The following SIMC1 variants were observed in gnomAD, a reference collection of about 807,000 sequenced individuals.
The protein encoded by SIMC1 is SUMO-interacting motif-containing protein 1.
In SIMC1, 55 loss-of-function variants were observed where a neutral mutation model predicts 82.3. The observed-to-expected ratio is 0.67, with a 90% CI of 0.54 to 0.84. SIMC1 has a LOEUF of 0.84. Ranked by LOEUF, SIMC1 falls within the 40% of genes least tolerant of loss-of-function variation. The pLI is 0.00. For missense variants in SIMC1, 915 were observed against 1,107.2 expected (o/e 0.83, Z 2.46); for synonymous variants, 353 against 426.3 (o/e 0.83, Z 2.12).
intron 9 of SIMC1, among the ~76,000 whole-genome samples, chr5:176,342,252 C>G (rs1234031242): frequency 6.6e-6 from 1 of 152,160 alleles, no homozygotes; most frequent in South Asian, 2.1e-4. Context: ...AATAAAACAG[C>G]TCATATTTCC....
chr5:176,274,373 T>G (rs1444234042), intron 1 of SIMC1, among the ~76,000 whole-genome samples: 5 of 151,426 alleles, frequency 3.3e-5, no homozygotes, highest in Non-Finnish European at 7.4e-5. Flanking sequence ...TCTTGTAAAT[T>G]TGCTTGAGTT....
At chr5:176,251,168 TG>T (rs1581216778) in intron 1 of SIMC1, among the ~76,000 whole-genome samples, 1 of 152,138 alleles carries the variant, frequency 6.6e-6, no homozygotes, top group East Asian at 1.9e-4. Flanking sequence ...GAGACCATCC[TG>T]GGCAACATGG....
At chr5:176,308,153 A>G (rs754312478) in intron 4 of SIMC1, 4 of 1,086,718 alleles carry the variant, frequency 3.7e-6, no homozygotes, top group Admixed American at 1.9e-5. Context: ...GAGCACAGAG[A>G]AGGAGGAAGT....
chr5:176,253,266 G>T (rs1395649548), intron 1 of SIMC1, among the ~76,000 whole-genome samples: 1 of 152,130 alleles, frequency 6.6e-6, no homozygotes, highest in East Asian at 1.9e-4. Context: ...TCCCTTTGTG[G>T]GTAACCCGAC....
intron 1 of SIMC1, among the ~76,000 whole-genome samples, chr5:176,256,621 C>T: frequency 6.6e-6 from 1 of 152,188 alleles, no homozygotes; most frequent in Non-Finnish European, 1.5e-5. Flanking sequence ...ACATGAAATG[C>T]ACACATTAAT....
chr5:176,315,815 T>G (rs1764877583), intron 5 of SIMC1, among the ~76,000 whole-genome samples: 2 of 152,090 alleles, frequency 1.3e-5, no homozygotes, highest in Admixed American at 1.3e-4. Context: ...TGTTAATAAT[T>G]TTAGGGGTAC....
intron 2 of SIMC1, among the ~76,000 whole-genome samples, chr5:176,292,604 G>C (rs559662172): frequency 2.0e-5 from 3 of 151,904 alleles, no homozygotes; most frequent in Non-Finnish European, 4.4e-5. Context: ...ACAGTGGTAC[G>C]ATCTCAGCTC....
chr5:176,256,226 T>C (rs1761847765), intron 1 of SIMC1, among the ~76,000 whole-genome samples: 1 of 152,178 alleles, frequency 6.6e-6, no homozygotes, highest in Non-Finnish European at 1.5e-5. Flanking sequence ...GCAAATGTTA[T>C]TAAAAGCAGA....
chr5:176,305,606 A>G (rs867347680), intron 4 of SIMC1, among the ~76,000 whole-genome samples: 3 of 117,694 alleles, frequency 2.5e-5, no homozygotes, highest in African/African-American at 3.4e-5. Context: ...CGCCCGGCCA[A>G]CCCCCCCGTC....
chr5:176,262,708 G>A (rs183846564), intron 1 of SIMC1, among the ~76,000 whole-genome samples: 15 of 152,276 alleles, frequency 9.9e-5, no homozygotes, highest in Non-Finnish European at 8.8e-5. Context: ...GGGAGGCTGA[G>A]GCAGAAGAAT....
At position 176,313,854 on chromosome 5, in the gene SIMC1, C is replaced by T. The variant is rs949851125; in HGVS notation, c.1889+9C>T. 4 of 1,612,998 alleles carry T rather than the reference C, an allele frequency of 2.5e-6. No individual in the cohort carries two copies. Among genetic ancestry groups the T allele is most frequent in the Non-Finnish European group, 3.4e-6 (4 of 1,179,780 alleles). ...CAGCCCCACAATGTCAGGTAAGCAG[C>T]CACCTGAGCCCTCGGATGAGAAGAG... On this transcript the variant is annotated intron_variant, in intron 5 of 9. Coordinates refer to ENST00000429602, the MANE Select transcript of SIMC1 (RefSeq NM_001308195.2).
intron 4 of SIMC1, among the ~76,000 whole-genome samples, chr5:176,296,897 C>T (rs1250475098): frequency 2.0e-5 from 3 of 152,142 alleles, no homozygotes; most frequent in Non-Finnish European, 2.9e-5. Flanking sequence ...GGAAGGATAG[C>T]AGATTTGAAT....
intron 5 of SIMC1, among the ~76,000 whole-genome samples, chr5:176,315,596 A>C (rs1265334970): frequency 6.6e-6 from 1 of 152,174 alleles, no homozygotes; most frequent in Non-Finnish European, 1.5e-5. Flanking sequence ...AGCAGCATTG[A>C]AACTCTTCCA....
At chr5:176,332,124 A>G (rs1375482183) in intron 7 of SIMC1, among the ~76,000 whole-genome samples, 1 of 152,178 alleles carries the variant, frequency 6.6e-6, no homozygotes. Context: ...CTGCTCTTTA[A>G]TATAAGTATT....
rs1189340564 is a variant in SIMC1, at chr5:176,290,889, CT to C, written c.1367del (p.Phe456SerfsTer14). 6.2e-7 allele frequency: 1 copy of C among 1,612,212 alleles called. No homozygotes were observed. Among genetic ancestry groups the C allele is most frequent in the East Asian group, 2.2e-5 (1 of 44,870 alleles). On this transcript the variant is annotated frameshift_variant, in exon 2 of 10. Coordinates refer to ENST00000429602, the MANE Select transcript of SIMC1 (RefSeq NM_001308195.2). LOFTEE classifies it high-confidence loss of function. ...NRPCLHRLKY[F>X]LRPPVHHLFF... ...GACCATGCCTGCATAGACTGAAGTA[CT>C]TCTTACGTCCTCCGGTTCATCACCT...
rs1182008969 is a variant in SIMC1, at chr5:176,345,559, T to A, written c.*114T>A. 8.5e-7 allele frequency: 1 copy of A among 1,182,584 alleles called. No individual in the cohort carries two copies. The highest frequency in any genetic ancestry group is 1.2e-6 in the Non-Finnish European group (1 of 865,972). 73.3% of individuals were successfully genotyped at this position (1,182,584 alleles called of 1,614,324 possible). ...ATCTTACAGGACCAAACCTGCATTA[T>A]TTAATCAGTAGGTTGTAATTTCTAA... On this transcript the variant is annotated 3_prime_UTR_variant, in exon 10 of 10. Transcript: ENST00000429602.
At chr5:176,298,679 A>C (rs1763920249) in intron 4 of SIMC1, among the ~76,000 whole-genome samples, 1 of 152,208 alleles carries the variant, frequency 6.6e-6, no homozygotes, top group South Asian at 2.1e-4. Flanking sequence ...CTTTTAAGAC[A>C]TTGATAATAT....
intron 1 of SIMC1, among the ~76,000 whole-genome samples, chr5:176,247,142 T>C (rs1244681166): frequency 6.6e-6 from 1 of 152,154 alleles, no homozygotes; most frequent in African/African-American, 2.4e-5. Context: ...GATTGCTGGG[T>C]CAAATGGTAT....
Position 176,296,309 on chromosome 5 carries a change from A to G in SIMC1, c.1723A>G (p.Met575Val). 10 of 1,613,368 alleles carry G rather than the reference A, an allele frequency of 6.2e-6. No homozygotes were observed. Among genetic ancestry groups the G allele is most frequent in the Middle Eastern group, 1.7e-4 (1 of 6,054 alleles). Residue 575 changes from methionine (M) to valine (V), a missense_variant, in exon 4 of 10, where the codon ATG becomes GTG. Met to Val is a conservative substitution (Grantham distance 21). Around this residue, in one of 2 missense-constraint regions of SIMC1, gnomAD observed 902 missense variants for 1,040.3 expected, o/e 0.87. Coordinates refer to ENST00000429602, the MANE Select transcript of SIMC1 (RefSeq NM_001308195.2). Reference sequence around the variant, plus strand: ...GGACTGGAAACTGCTCACCTATGTCATGGAGGAAGAGGTAACAACAATTAT... The same window carrying G: ...GGACTGGAAACTGCTCACCTATGTCGTGGAGGAAGAGGTAACAACAATTAT... ...EWDWKLLTYV[M>V]EEEGQTLPGR...
Sources: allele counts gnomAD v4.1 joint callset (sites outside exome capture counted in the v4.1 genomes callset), GRCh38; gene constraint gnomAD v4.1.1; regional missense constraint gnomAD v4.1.1; transcripts MANE v1.5; gene names NCBI Gene and HGNC (gene_info 2026-07-23, HGNC 2026-07-21).